ACSS2: variants seen among roughly 807,000 people sequenced by gnomAD.
The protein encoded by ACSS2 is acetyl-coenzyme A synthetase, cytoplasmic.
A neutral mutation model predicts 90.6 loss-of-function variants in ACSS2; 58 were observed. The observed-to-expected ratio is 0.64, with a 90% CI of 0.52 to 0.80. The LOEUF (loss-of-function observed/expected upper bound fraction) is 0.80. ACSS2 is among the 30% of genes least tolerant of loss of function. The pLI, the probability that ACSS2 is intolerant of heterozygous loss-of-function variation, is 0.00. For missense variants in ACSS2, 759 were observed against 912.0 expected, an observed-to-expected ratio of 0.83 and a Z score of 2.16; for synonymous variants, 300 against 330.9, an observed-to-expected ratio of 0.91 and a Z score of 1.01.
At position 34,921,779 on chromosome 20, in the gene ACSS2, C is replaced by A; in HGVS notation, c.1468-7C>A. ...CTTCTTGGGTTCTGTCTCCCGTTTG[C>A]TTCTAGACTTTCCCATTCTTTGGTG... On this transcript the variant is annotated splice_polypyrimidine_tract_variant and splice_region_variant and intron_variant, in intron 12 of 17. Transcript: ENST00000360596. 6.2e-7 allele frequency: 1 copy of A among 1,613,390 alleles called. No homozygotes were observed. Among genetic ancestry groups the A allele is most frequent in the East Asian group, 2.2e-5 (1 of 44,888 alleles).
intron 2 of ACSS2, among the ~76,000 whole-genome samples, chr20:34,883,604 G>A (rs1344777390): frequency 6.6e-6 from 1 of 152,108 alleles, no homozygotes; most frequent in East Asian, 1.9e-4. Context: ...CCTTACCTTG[G>A]CCTCTCAACA....
chr20:34,914,860 C>CT (rs1568992315), intron 7 of ACSS2, among the ~76,000 whole-genome samples: 7 of 152,092 alleles, frequency 4.6e-5, no homozygotes, highest in Admixed American at 2.0e-4. Flanking sequence ...CACAATATGG[C>CT]CTTTGTTAGC....
rs1310932277 is a variant in ACSS2, at chr20:34,921,693, T to C, written c.1467+93T>C. 2.5e-6 allele frequency: 4 copies of C among 1,587,366 alleles called. No individual in the cohort carries two copies. The East Asian group carries it at 6.7e-5, about 27-fold the overall frequency. ...TAGATAGTGGAGAACTGGACTGACA[T>C]GTGTGAAGAATTTGGGGTTCTGGGG... On this transcript the variant is annotated intron_variant, in intron 12 of 17. Coordinates refer to ENST00000360596, the MANE Select transcript of ACSS2 (RefSeq NM_018677.4).
At chr20:34,908,540 T>A (rs1317734635) in intron 2 of ACSS2, among the ~76,000 whole-genome samples, 4 of 152,148 alleles carry the variant, frequency 2.6e-5, no homozygotes, top group Admixed American at 6.6e-5. Context: ...TTTAAAGTAG[T>A]TGTTCCCTAA....
chr20:34,925,045 T>A (rs901379123), intron 14 of ACSS2, among the ~76,000 whole-genome samples: 6 of 152,138 alleles, frequency 3.9e-5, no homozygotes, highest in African/African-American at 1.2e-4. Context: ...GTTTAGAAAA[T>A]AACTTTGCTG....
At chr20:34,905,775 G>A (rs977744705) in intron 2 of ACSS2, among the ~76,000 whole-genome samples, 1 of 152,264 alleles carries the variant, frequency 6.6e-6, no homozygotes, top group Admixed American at 6.5e-5. Context: ...TATTATACAT[G>A]TGCTGCTGTT....
At chr20:34,903,252 G>C (rs2080712906) in intron 2 of ACSS2, among the ~76,000 whole-genome samples, 1 of 150,566 alleles carries the variant, frequency 6.6e-6, no homozygotes, top group Non-Finnish European at 1.5e-5. Context: ...TGAGGCAGGA[G>C]AATCATTTGA....
rs2081338280 is a variant in ACSS2 at position 34,927,155 on chromosome 20, G to T, written c.2047G>T (p.Val683Leu). 6.2e-7 allele frequency: 1 copy of T among 1,614,196 alleles called. No homozygotes were observed. Among genetic ancestry groups the T allele is most frequent in the East Asian group, 2.2e-5 (1 of 44,884 alleles). Reference sequence around the variant, plus strand: ...CCATGACCTCGGGGACATGTCTACTGTGGCTGACCCATCTGTCATCAGTCA... The same window carrying T: ...CCATGACCTCGGGGACATGTCTACTTTGGCTGACCCATCTGTCATCAGTCA... ...NDHDLGDMST[V>L]ADPSVISHLF... The change falls in exon 18 of 18, where the codon GTG (valine) becomes TTG (leucine). Residue 683 changes from valine to leucine, a missense_variant. Physicochemically the swap from Val to Leu is conservative, Grantham distance 32 (BLOSUM62 1). Coordinates refer to ENST00000360596, the MANE Select transcript of ACSS2 (RefSeq NM_018677.4). This position sits in a 1 kb window ranked among gnomAD's most constrained non-coding sequence, Gnocchi z 4.2.
At chr20:34,886,396 A>G (rs1287264332) in intron 2 of ACSS2, among the ~76,000 whole-genome samples, 3 of 152,110 alleles carry the variant, frequency 2.0e-5, no homozygotes, top group Admixed American at 2.0e-4. Flanking sequence ...AGGCGGGCAG[A>G]TCACCTGAGG....
chr20:34,889,282 C>T (rs1307105372), intron 2 of ACSS2, among the ~76,000 whole-genome samples: 1 of 151,820 alleles, frequency 6.6e-6, no homozygotes, highest in East Asian at 1.9e-4. Flanking sequence ...GCCACCATGC[C>T]CGGCTAATTT....
At chr20:34,920,760 G>A in intron 9 of ACSS2, 51 bp downstream of exon 9, 1 of 1,568,844 alleles carries the variant, frequency 6.4e-7, no homozygotes, top group South Asian at 1.2e-5. Context: ...GATTATCCTG[G>A]GTGACTACCT....
At chr20:34,883,256 ACTGAGTAG>A (rs368911843) in intron 2 of ACSS2, among the ~76,000 whole-genome samples, 1 of 152,282 alleles carries the variant, frequency 6.6e-6, no homozygotes, top group Non-Finnish European at 1.5e-5. Context: ...AGAGAACAAG[ACTGAGTAG>A]CTTTCTTCCT....
chr20:34,919,806 A>C (rs2081157067), intron 8 of ACSS2, among the ~76,000 whole-genome samples: 1 of 152,070 alleles, frequency 6.6e-6, no homozygotes, highest in Admixed American at 6.6e-5. Flanking sequence ...TACAGCTGAC[A>C]TGGATGTTCT....
intron 1 of ACSS2, among the ~76,000 whole-genome samples, chr20:34,880,607 C>T (rs1219041493): frequency 4.0e-5 from 6 of 151,840 alleles, no homozygotes; most frequent in Non-Finnish European, 7.4e-5. Flanking sequence ...CATGCATTGC[C>T]TTGCAATCTA....
In ACSS2 at chr20:34,880,570, A is replaced by T. The variant is rs188096851; in HGVS notation, c.179-2224A>T. ...TAAAAAAATAATAATAATAGAAATTAAAAAAAAAAAGTTTTATGGCTCTTG... is the reference window on the plus strand; with the variant it reads ...TAAAAAAATAATAATAATAGAAATTTAAAAAAAAAAGTTTTATGGCTCTTG... On this transcript the variant is annotated intron_variant, in intron 1 of 17. Transcript: ENST00000360596. Among the ~76,000 whole-genome samples the T allele has an allele frequency of 9.7e-3, 1,428 of 147,788 alleles. 10 individuals are homozygous for T. The highest frequency in any genetic ancestry group is 0.014 in the Middle Eastern group (4 of 280).
At position 34,920,639 on chromosome 20, in the gene ACSS2, A is replaced by G; in HGVS notation, c.1073A>G (p.Asp358Gly). ...HAEDVFWCTADIGWITGHSYV... is the reference protein window; with the variant it reads ...HAEDVFWCTAGIGWITGHSYV... ...GAGGATGTGTTCTGGTGCACGGCAG[A>G]CATTGGTTGGATCACTGGTCATTCC... The change falls in exon 9 of 18, where the codon GAC (aspartate) becomes GGC (glycine). Residue 358 changes from aspartate to glycine, a missense_variant. Asp to Gly is a moderately conservative substitution (Grantham distance 94). Coordinates refer to ENST00000360596, the MANE Select transcript of ACSS2 (RefSeq NM_018677.4). The G allele has an allele frequency of 4.3e-6, 7 of 1,614,176 alleles. No individual in the cohort carries two copies. Among genetic ancestry groups the G allele is most frequent in the Non-Finnish European group, 5.9e-6 (7 of 1,180,028 alleles).
At chr20:34,883,084 T>C (rs2080105475) in intron 2 of ACSS2, 95 bp downstream of exon 2, 1 of 909,986 alleles carries the variant, frequency 1.1e-6, no homozygotes, top group Non-Finnish European at 1.6e-6. Context: ...ATCAACTTAA[T>C]GCCTCAGGTG....
chr20:34,894,069 CATG>C (rs145043092), intron 2 of ACSS2, among the ~76,000 whole-genome samples: 5,125 of 152,180 alleles, frequency 0.034, 122 homozygotes, highest in Non-Finnish European at 0.052. Context: ...TCTTTTTGAC[CATG>C]ATATTTTAAT....
Position 34,926,186 on chromosome 20 carries a change from C to A in ACSS2, c.1808C>A (p.Pro603His), listed in dbSNP as rs2147112323. The stretch of plus-strand genomic sequence containing the variant: ...GCAGAGGCAGCTGTGGTGGGCCACC[C>A]TCATCCTGTGAAGGGTGAATGCCTC... ...AVAEAAVVGH[P>H]HPVKGECLYC... The change falls in exon 16 of 18, where the codon CCT becomes CAT. Residue 603 changes from proline (P) to histidine (H), a missense_variant. By Grantham distance (77) the Pro-to-His change is moderately conservative (BLOSUM62 -2). Coordinates refer to ENST00000360596, the MANE Select transcript of ACSS2 (RefSeq NM_018677.4). 4 of 1,614,220 alleles carry A rather than the reference C, an allele frequency of 2.5e-6. No homozygotes were observed. The highest frequency in any genetic ancestry group is 3.4e-6 in the Non-Finnish European group (4 of 1,180,042).
Sources: gnomAD v4.1 joint callset for allele counts (sites outside exome capture counted in the v4.1 genomes callset) on GRCh38, gnomAD v4.1.1 for gene constraint, Gnocchi (gnomAD v3.1) non-coding constraint, MANE v1.5 for transcripts, NCBI Gene and HGNC (gene_info 2026-07-23, HGNC 2026-07-21) for gene names.